CADM2: variants seen among roughly 807,000 people sequenced by gnomAD.
CADM2 encodes the protein immunoglobulin superfamily member 4D.
A neutral mutation model predicts 49.8 loss-of-function variants in CADM2; 12 were observed. That is an observed-to-expected ratio of 0.24 (90% CI 0.15 to 0.39). The LOEUF (loss-of-function observed/expected upper bound fraction) is 0.39. Ranked by LOEUF, CADM2 falls within the 10% of genes least tolerant of loss-of-function variation. The pLI, the probability that CADM2 is intolerant of heterozygous loss-of-function variation, is 1.00. For missense variants in CADM2, 378 were observed against 492.3 expected (o/e 0.77, Z 2.20); for synonymous variants, 214 against 175.4 (o/e 1.22, Z -1.74).
At chr3:85,804,881 C>A (rs534047600) in intron 3 of CADM2, among the ~76,000 whole-genome samples, 1 of 152,268 alleles carries the variant, frequency 6.6e-6, no homozygotes, top group African/African-American at 2.4e-5. Context: ...TATATTCCTG[C>A]ATCTTTACAC....
intron 7 of CADM2, among the ~76,000 whole-genome samples, chr3:85,942,041 G>C (rs1211230065): frequency 6.6e-6 from 1 of 152,040 alleles, no homozygotes; most frequent in African/African-American, 2.4e-5. Context: ...CTGATAAATG[G>C]TAGAATTGGG....
chr3:85,407,352 T>C (rs766597225), intron 1 of CADM2, among the ~76,000 whole-genome samples: 6 of 152,206 alleles, frequency 3.9e-5, no homozygotes, highest in Non-Finnish European at 7.3e-5. Flanking sequence ...TTTGTCATTC[T>C]CTTCTTCATT....
intron 1 of CADM2, among the ~76,000 whole-genome samples, chr3:85,209,679 A>G (rs1287986262): frequency 6.6e-6 from 1 of 151,992 alleles, no homozygotes; most frequent in Non-Finnish European, 1.5e-5. Flanking sequence ...AAAAAAACAT[A>G]CAGAAGAAAA....
At chr3:85,410,971 C>T (rs1207443523) in intron 1 of CADM2, among the ~76,000 whole-genome samples, 1 of 152,058 alleles carries the variant, frequency 6.6e-6, no homozygotes, top group East Asian at 1.9e-4. Flanking sequence ...GCCAATAACC[C>T]GATTAACAAC....
intron 8 of CADM2, among the ~76,000 whole-genome samples, chr3:86,046,765 G>A (rs547784977): frequency 1.2e-3 from 175 of 151,820 alleles, no homozygotes; most frequent in African/African-American, 4.0e-3. Context: ...TTTTTCCTCC[G>A]TCTTAAACAC....
intron 6 of CADM2, 54 bp from the exon 7 acceptor site, chr3:85,935,713 A>G (rs1283152431): frequency 1.1e-6 from 1 of 877,654 alleles, no homozygotes; most frequent in Non-Finnish European, 1.8e-6. Flanking sequence ...CAGTTATTAA[A>G]TATCTAGTTT....
chr3:85,117,227 A>G (rs1308399823), intron 1 of CADM2, among the ~76,000 whole-genome samples: 1 of 139,168 alleles, frequency 7.2e-6, no homozygotes, highest in East Asian at 2.0e-4. Context: ...TCTCAAAAAA[A>G]GAAAAAAAAG....
chr3:86,004,899 ACCAG>A (rs1730597147), intron 8 of CADM2, among the ~76,000 whole-genome samples: 1 of 152,138 alleles, frequency 6.6e-6, no homozygotes, highest in Non-Finnish European at 1.5e-5. Context: ...TGCTATATAC[ACCAG>A]CTTTCCTGGC....
At chr3:85,644,347 A>G (rs898036623) in intron 1 of CADM2, among the ~76,000 whole-genome samples, 1 of 152,078 alleles carries the variant, frequency 6.6e-6, no homozygotes, top group Non-Finnish European at 1.5e-5. Context: ...ACCTCATTAT[A>G]TTCTTAATAC....
intron 8 of CADM2, among the ~76,000 whole-genome samples, chr3:85,969,473 A>T (rs1725846647): frequency 6.6e-6 from 1 of 151,472 alleles, no homozygotes; most frequent in East Asian, 2.0e-4. Context: ...ATCTCAGATT[A>T]AAAGGGATTT....
chr3:85,957,422 T>C (rs560622596), intron 7 of CADM2, among the ~76,000 whole-genome samples: 35 of 151,930 alleles, frequency 2.3e-4, no homozygotes, highest in African/African-American at 8.4e-4. Flanking sequence ...GATAAAATTA[T>C]CCTCCCTTTT....
At chr3:85,281,614 C>A (rs2106890450) in intron 1 of CADM2, among the ~76,000 whole-genome samples, 1 of 152,050 alleles carries the variant, frequency 6.6e-6, no homozygotes, top group South Asian at 2.1e-4. Flanking sequence ...CGATGATATG[C>A]TGAAATATTA....
chr3:86,057,825 A>G (rs1738172240), intron 8 of CADM2, among the ~76,000 whole-genome samples: 2 of 152,158 alleles, frequency 1.3e-5, no homozygotes, highest in Non-Finnish European at 2.9e-5. Context: ...TGGATTCTCC[A>G]TCATGATAGA....
intron 1 of CADM2, among the ~76,000 whole-genome samples, chr3:85,477,245 C>A (rs2039013841): frequency 6.8e-6 from 1 of 146,310 alleles, no homozygotes; most frequent in Non-Finnish European, 1.5e-5. Context: ...TTCCCTTAAA[C>A]ACACACACAC....
chr3:85,960,979 T>C (rs1443428377), intron 7 of CADM2, among the ~76,000 whole-genome samples: 8 of 147,510 alleles, frequency 5.4e-5, no homozygotes, highest in Non-Finnish European at 1.2e-4. Flanking sequence ...TAATATTATT[T>C]ATTATAATAA....
rs553236631 is a variant in CADM2, at chr3:85,442,306, T to C, written c.62-284216T>C. On this transcript the variant is annotated intron_variant, in intron 1 of 9. Coordinates refer to ENST00000383699, the MANE Select transcript of CADM2 (RefSeq NM_001167675.2). ...TTGTTCTTACATACTGACAGAATTC[T>C]CCTTCACACAATGAACTTTAAAATA... 6.6e-5 allele frequency among the ~76,000 whole-genome samples: 10 copies of C among 152,156 alleles called. No individual in the cohort carries two copies. In the East Asian group the frequency reaches 1.9e-3, roughly 29 times the overall value.
At chr3:85,939,190 A>G (rs1258424698) in intron 7 of CADM2, among the ~76,000 whole-genome samples, 1 of 151,970 alleles carries the variant, frequency 6.6e-6, no homozygotes, top group Non-Finnish European at 1.5e-5. Context: ...CTTTGGACTG[A>G]AGCCTTTTGC....
intron 1 of CADM2, among the ~76,000 whole-genome samples, chr3:85,078,349 T>C (rs547106117): frequency 1.3e-5 from 2 of 152,092 alleles, no homozygotes; most frequent in South Asian, 4.1e-4. Flanking sequence ...AAATAAACTG[T>C]TCCTGCTACA....
At chr3:85,637,499 G>A (rs1317996849) in intron 1 of CADM2, among the ~76,000 whole-genome samples, 1 of 148,878 alleles carries the variant, frequency 6.7e-6, no homozygotes, top group Non-Finnish European at 1.5e-5. Flanking sequence ...CTACTCGGGA[G>A]GCTGAGGCAG....
Sources: allele counts gnomAD v4.1 joint callset (sites outside exome capture counted in the v4.1 genomes callset), GRCh38; gene constraint gnomAD v4.1.1; transcripts MANE v1.5; gene names NCBI Gene and HGNC (gene_info 2026-07-23, HGNC 2026-07-21).